The following UGGT2 variants were observed in gnomAD, a reference collection of about 807,000 sequenced individuals.
UGGT2 encodes UDP-glucose glycoprotein glucosyltransferase 2, also known as UDP-glucose:glycoprotein glucosyltransferase 2.
A neutral mutation model predicts 192.1 loss-of-function variants in UGGT2; 180 were observed. That is an observed-to-expected ratio of 0.94 (90% confidence interval 0.83 to 1.06). The LOEUF (loss-of-function observed/expected upper bound fraction) is 1.06, where lower values mean the gene tolerates loss of function less well. UGGT2 is among the 50% of genes least tolerant of loss of function. The probability of loss-of-function intolerance (pLI) is 0.00; values close to 1 mark genes in which losing one functional copy is unlikely to be tolerated. For synonymous variants in UGGT2, 580 were observed against 591.0 expected (o/e 0.98, Z 0.27); for missense variants, 1,849 against 1,795.7 (o/e 1.03, Z -0.54).
At chr13:95,907,005 GC>G (rs2048312798) in intron 20 of UGGT2, among the ~76,000 whole-genome samples, 1 of 152,214 alleles carries the variant, frequency 6.6e-6, no homozygotes. Context: ...CCCTTTCCTA[GC>G]CAAGGGAAGG....
At chr13:95,900,588 AC>A (rs1594269442) in intron 22 of UGGT2, among the ~76,000 whole-genome samples, 1 of 152,150 alleles carries the variant, frequency 6.6e-6, no homozygotes, top group Non-Finnish European at 1.5e-5. Context: ...ATTCTTCCTT[AC>A]CCACATCATC....
At chr13:95,895,536 TA>T (rs1436812000) in intron 22 of UGGT2, among the ~76,000 whole-genome samples, 1 of 151,950 alleles carries the variant, frequency 6.6e-6, no homozygotes, top group African/African-American at 2.4e-5. Context: ...AGTGACAATA[TA>T]AAAAATTAGC....
At chr13:95,945,425 A>G (rs2049831698) in intron 15 of UGGT2, among the ~76,000 whole-genome samples, 1 of 152,068 alleles carries the variant, frequency 6.6e-6, no homozygotes. Context: ...CAAATTTAAT[A>G]CTTACTTTTA....
chr13:96,040,639 T>C (rs1278861044), intron 1 of UGGT2, among the ~76,000 whole-genome samples: 1 of 152,176 alleles, frequency 6.6e-6, no homozygotes, highest in East Asian at 1.9e-4. Flanking sequence ...TTATTAAGTA[T>C]TAAGTTGCAA....
Position 95,863,670 on chromosome 13 carries a change from A to G in UGGT2, c.3603T>C (p.Asp1201=), listed in dbSNP as rs1359962122. Residue 1201 remains aspartate (D), a synonymous_variant, in exon 31 of 39, where the codon GAT becomes GAC. Transcript: ENST00000376747. ...ACAGTCCTTTTGTTTTTTCATCTTC[A>G]TCGGTAAGGATATCTTCCTTAATTT... ...TDKIKEDILT[D]EDEKTKGLWD... 6.2e-7 allele frequency: 1 copy of G among 1,612,704 alleles called. No homozygotes were observed. The highest frequency in any genetic ancestry group is 8.5e-7 in the Non-Finnish European group (1 of 1,179,132).
chr13:95,976,089 T>TC (rs2140822046), intron 10 of UGGT2, among the ~76,000 whole-genome samples: 1 of 152,210 alleles, frequency 6.6e-6, no homozygotes, highest in Non-Finnish European at 1.5e-5. Flanking sequence ...AACCAACCCC[T>TC]CCTCATTTTC....
intron 10 of UGGT2, among the ~76,000 whole-genome samples, chr13:95,980,437 C>T (rs1188214424): frequency 6.6e-6 from 1 of 151,802 alleles, no homozygotes; most frequent in Non-Finnish European, 1.5e-5. Flanking sequence ...ATACATTGGA[C>T]TTTGGGGACT....
intron 21 of UGGT2, among the ~76,000 whole-genome samples, chr13:95,901,493 C>G (rs1040007592): frequency 3.9e-5 from 6 of 151,940 alleles, no homozygotes; most frequent in African/African-American, 1.5e-4. Context: ...AGGTACATTT[C>G]TCTCTCTCAG....
At chr13:95,860,367 A>C (rs994238333) in intron 32 of UGGT2, among the ~76,000 whole-genome samples, 4 of 148,300 alleles carry the variant, frequency 2.7e-5, no homozygotes, top group East Asian at 1.9e-4. Context: ...GAGTATATCT[A>C]TATATATATA....
chr13:95,808,256 T>G (rs546855901), intron 38 of UGGT2, among the ~76,000 whole-genome samples: 2 of 152,312 alleles, frequency 1.3e-5, no homozygotes, highest in Non-Finnish European at 2.9e-5. Context: ...GTATTTATCT[T>G]TATCTTCAAG....
At chr13:95,924,841 G>C (rs1454917314) in intron 20 of UGGT2, among the ~76,000 whole-genome samples, 1 of 152,176 alleles carries the variant, frequency 6.6e-6, no homozygotes, top group Non-Finnish European at 1.5e-5. Flanking sequence ...ATGTAAGTGA[G>C]TCATCTTAGA....
chr13:95,972,409 T>A (rs2050801422), intron 11 of UGGT2, among the ~76,000 whole-genome samples, 171 bp downstream of exon 11: 1 of 152,250 alleles, frequency 6.6e-6, no homozygotes, highest in Admixed American at 6.5e-5. Flanking sequence ...AGTTCTGATA[T>A]TCTAAGACAC....
chr13:95,930,676 G>A (rs748161678), intron 17 of UGGT2, among the ~76,000 whole-genome samples: 4 of 152,170 alleles, frequency 2.6e-5, no homozygotes, highest in Non-Finnish European at 2.9e-5. Flanking sequence ...AGTGTACTGT[G>A]AAGTTGGGTA....
chr13:95,884,375 A>T (rs112180432), intron 27 of UGGT2, 116 bp downstream of exon 27: 1 of 882,506 alleles, frequency 1.1e-6, no homozygotes, highest in African/African-American at 1.7e-5. Flanking sequence ...TAGAATCATA[A>T]AAAAGAATAT....
At chr13:96,028,830 C>T (rs2052741933) in intron 2 of UGGT2, among the ~76,000 whole-genome samples, 1 of 152,084 alleles carries the variant, frequency 6.6e-6, no homozygotes. Flanking sequence ...TCTAAGATGT[C>T]TTGAAAACAA....
At chr13:96,045,663 C>A (rs575105661) in intron 1 of UGGT2, among the ~76,000 whole-genome samples, 1 of 152,076 alleles carries the variant, frequency 6.6e-6, no homozygotes, top group African/African-American at 2.4e-5. Context: ...TTAATGTACA[C>A]AAATCAGTTG....
intron 10 of UGGT2, among the ~76,000 whole-genome samples, chr13:95,974,708 A>G (rs2050882363): frequency 6.6e-6 from 1 of 152,188 alleles, no homozygotes; most frequent in African/African-American, 2.4e-5. Flanking sequence ...AATGAGGAGT[A>G]AGAATTCAAT....
At chr13:95,939,670 G>A (rs892263903) in intron 16 of UGGT2, among the ~76,000 whole-genome samples, 6 of 152,116 alleles carry the variant, frequency 3.9e-5, no homozygotes, top group African/African-American at 9.6e-5. Flanking sequence ...ATTTTGTGGT[G>A]AGAATCCTTA....
intron 20 of UGGT2, among the ~76,000 whole-genome samples, chr13:95,911,066 T>A (rs920556309): frequency 6.6e-6 from 1 of 152,170 alleles, no homozygotes; most frequent in African/African-American, 2.4e-5. Flanking sequence ...CGTACCAGAA[T>A]CTTTGGGACA....
Sources: allele counts gnomAD v4.1 joint callset (sites outside exome capture counted in the v4.1 genomes callset), GRCh38; gene constraint gnomAD v4.1.1; transcripts MANE v1.5; gene names NCBI Gene and HGNC (gene_info 2026-07-23, HGNC 2026-07-21).